ZNF90: variants seen among roughly 807,000 people sequenced by gnomAD.
ZNF90 encodes the protein zinc finger protein HTF9.
ZNF90 carries 11 observed loss-of-function variants against 12.0 expected under a neutral mutation model. The observed-to-expected ratio is 0.92, with a 90% CI of 0.58 to 1.52. ZNF90 has a LOEUF of 1.52. Ranked by LOEUF, ZNF90 falls within the 40% of genes most tolerant of loss-of-function variation. The probability of loss-of-function intolerance (pLI) is 0.00; values close to 1 mark genes in which losing one functional copy is unlikely to be tolerated. For missense variants in ZNF90, 765 were observed against 711.5 expected, an observed-to-expected ratio of 1.08 and a Z score of -0.86; for synonymous variants, 232 against 240.1, an observed-to-expected ratio of 0.97 and a Z score of 0.31.
chr19:20,109,421 TTAATA>T lies in ZNF90; in HGVS notation c.226+4108_226+4112del, dbSNP rs147100263. Among the ~76,000 whole-genome samples the T allele has an allele frequency of 6.5e-3, 986 of 152,344 alleles. 8 individuals are homozygous for T. The highest frequency in any genetic ancestry group is 0.023 in the African/African-American group (941 of 41,560). On this transcript the variant is annotated intron_variant, in intron 3 of 3. Transcript: ENST00000418063. ...CTTACTTTCACCATGTGTTTAATAA[TTAATA>T]TATATTTTTCCTTTTGTGAGAGAAA...
At chr19:20,105,196 A>C in intron 2 of ZNF90, 25 bp from the exon 3 acceptor site, 2 of 1,553,142 alleles carry the variant, frequency 1.3e-6, no homozygotes, top group Non-Finnish European at 1.8e-6. Context: ...AGGAAGATTC[A>C]TGTTATTTAT....
intron 1 of ZNF90, among the ~76,000 whole-genome samples, chr19:20,093,186 G>A (rs940775861): frequency 3.3e-5 from 5 of 152,182 alleles, no homozygotes; most frequent in African/African-American, 9.7e-5. Context: ...GGGTGGATAG[G>A]CAAAACAATT....
At chr19:20,080,048 G>T in intron 1 of ZNF90, 4 of 325,752 alleles carry the variant, frequency 1.2e-5, no homozygotes, top group South Asian at 1.0e-4. Context: ...CGATTCTCCT[G>T]CCTCAGCCTC....
chr19:20,092,623 C>T (rs2088911414), intron 1 of ZNF90, among the ~76,000 whole-genome samples: 1 of 152,078 alleles, frequency 6.6e-6, no homozygotes, highest in Non-Finnish European at 1.5e-5. Context: ...AACCAGGTAT[C>T]CAAAGGTGAA....
rs894626621 is a variant in ZNF90, at chr19:20,108,847, T to C, written c.226+3531T>C. ...GTTCATGCCATTCTTCTGCATCAGC[T>C]TCCCGAGTAGCTGGGACTACAGGCG... On this transcript the variant is annotated intron_variant, in intron 3 of 3. Coordinates refer to ENST00000418063, the MANE Select transcript of ZNF90 (RefSeq NM_007138.2). Among the ~76,000 whole-genome samples, 3 of 150,112 alleles carry C rather than the reference T, an allele frequency of 2.0e-5. No homozygotes were observed. The Admixed American group carries it at 2.0e-4, about 10-fold the overall frequency.
chr19:20,081,903 T>C (rs2088822965), intron 1 of ZNF90, among the ~76,000 whole-genome samples: 1 of 151,992 alleles, frequency 6.6e-6, no homozygotes, highest in South Asian at 2.1e-4. Flanking sequence ...CAGCTGGGAC[T>C]ACAGGCACGT....
At chr19:20,116,864 C>G (rs572093010) in intron 3 of ZNF90, among the ~76,000 whole-genome samples, 1 of 151,682 alleles carries the variant, frequency 6.6e-6, no homozygotes, top group Non-Finnish European at 1.5e-5. Context: ...CTCAAACTGT[C>G]ATTCCAATGT....
chr19:20,118,078 G>T lies in ZNF90; in HGVS notation c.524G>T (p.Cys175Phe). Reference sequence around the variant, plus strand: ...GATACTGGAAAAAAACCTTTCAAATGTATAGAATGTGGCAAAGCTTTCAAC... The same window carrying T: ...GATACTGGAAAAAAACCTTTCAAATTTATAGAATGTGGCAAAGCTTTCAAC... Reference protein sequence around the residue: ...IRDTGKKPFKCIECGKAFNQS... With the variant: ...IRDTGKKPFKFIECGKAFNQS... Residue 175 changes from cysteine to phenylalanine, a missense_variant, in exon 4 of 4, where the codon TGT (cysteine) becomes TTT (phenylalanine). By Grantham distance (205) the Cys-to-Phe change is radical. Coordinates refer to ENST00000418063, the MANE Select transcript of ZNF90 (RefSeq NM_007138.2). The T allele has an allele frequency of 6.2e-7, 1 of 1,613,298 alleles. No individual in the cohort carries two copies. The highest frequency in any genetic ancestry group is 2.2e-5 in the East Asian group (1 of 44,846).
chr19:20,088,069 C>G (rs922212464), intron 1 of ZNF90, among the ~76,000 whole-genome samples: 1 of 152,158 alleles, frequency 6.6e-6, no homozygotes, highest in Admixed American at 6.5e-5. Context: ...TTACTTCAGA[C>G]CATCTGGGCA....
chr19:20,114,458 G>A lies in ZNF90; in HGVS notation c.227-3323G>A, dbSNP rs10420623. ...ACCACATTGTTTTCTGTTTCAAAGA[G>A]CATAACTGATTTATATATCTTATAC... On this transcript the variant is annotated intron_variant, in intron 3 of 3. Coordinates refer to ENST00000418063, the MANE Select transcript of ZNF90 (RefSeq NM_007138.2). 7.2e-4 allele frequency among the ~76,000 whole-genome samples: 109 copies of A among 152,202 alleles called. 2 individuals are homozygous for A. The highest frequency in any genetic ancestry group is 2.6e-3 in the African/African-American group (107 of 41,528).
chr19:20,096,037 A>G (rs1314401257), intron 1 of ZNF90, among the ~76,000 whole-genome samples: 1 of 152,178 alleles, frequency 6.6e-6, no homozygotes, highest in Non-Finnish European at 1.5e-5. Context: ...GGGTCCATGG[A>G]TAAAACGTGT....
At chr19:20,082,188 C>A (rs2088825420) in intron 1 of ZNF90, among the ~76,000 whole-genome samples, 1 of 152,052 alleles carries the variant, frequency 6.6e-6, no homozygotes, top group Non-Finnish European at 1.5e-5. Context: ...CGTATAGCAC[C>A]AAACATGTCT....
intron 3 of ZNF90, among the ~76,000 whole-genome samples, chr19:20,108,731 C>CT (rs10626180): frequency 0.06 from 7,185 of 119,850 alleles, 687 homozygotes; most frequent in African/African-American, 0.15. Flanking sequence ...GTAGGTTTCT[C>CT]TTTTTTTTTT....
intron 1 of ZNF90, among the ~76,000 whole-genome samples, chr19:20,102,850 A>G (rs1032917357): frequency 6.6e-6 from 1 of 152,232 alleles, no homozygotes; most frequent in African/African-American, 2.4e-5. Context: ...TGAAAAAAGT[A>G]TTAGGAGATA....
At chr19:20,100,370 AT>A (rs1315230991) in intron 1 of ZNF90, among the ~76,000 whole-genome samples, 3 of 152,246 alleles carry the variant, frequency 2.0e-5, no homozygotes, top group Admixed American at 6.5e-5. Flanking sequence ...TGCCAAAAAA[AT>A]AATCCCCTGC....
chr19:20,081,767 TTC>T (rs1180659544), intron 1 of ZNF90, among the ~76,000 whole-genome samples: 7 of 143,952 alleles, frequency 4.9e-5, no homozygotes, highest in African/African-American at 2.0e-4. Context: ...TCTTTCTTTC[TTC>T]TTTTTTTTTT....
At chr19:20,081,330 A>C (rs1477434050) in intron 1 of ZNF90, among the ~76,000 whole-genome samples, 1 of 152,074 alleles carries the variant, frequency 6.6e-6, no homozygotes, top group Non-Finnish European at 1.5e-5. Flanking sequence ...CTGGGATTAC[A>C]AGTGAGTGCC....
rs1555705855 is a variant in ZNF90 at position 20,117,820 on chromosome 19, AGAGCCT to A, written c.267_272del (p.Ser90_Leu91del). The A allele has an allele frequency of 6.3e-7, 1 of 1,585,498 alleles. No individual in the cohort carries two copies. Among genetic ancestry groups the A allele is most frequent in the Non-Finnish European group, 8.6e-7 (1 of 1,168,088 alleles). ...TTTGCCCAAGACCTTTGTCCAGAGC[AGAGCCT>A]AAAAGATTCCTTCCAAAAAGTGATA... On this transcript the variant is annotated inframe_deletion, in exon 4 of 4. Coordinates refer to ENST00000418063, the MANE Select transcript of ZNF90 (RefSeq NM_007138.2).
chr19:20,081,292 G>A (rs1229776111), intron 1 of ZNF90, among the ~76,000 whole-genome samples: 3 of 151,626 alleles, frequency 2.0e-5, no homozygotes, highest in East Asian at 3.9e-4. Context: ...AGGTTCCAAC[G>A]ATTCTTCTGC....
Sources: allele counts gnomAD v4.1 joint callset (sites outside exome capture counted in the v4.1 genomes callset), GRCh38; gene constraint gnomAD v4.1.1; transcripts MANE v1.5; gene names NCBI Gene and HGNC (gene_info 2026-07-23, HGNC 2026-07-21).